CSMD3: variants seen among roughly 807,000 people sequenced by gnomAD.
CSMD3 encodes CUB and sushi domain-containing protein 3.
Under a neutral mutation model 435.2 loss-of-function variants are expected in CSMD3, and 177 were observed. That is an observed-to-expected ratio of 0.41 (90% CI 0.36 to 0.46). The LOEUF (loss-of-function observed/expected upper bound fraction) is 0.46. Ranked by LOEUF, CSMD3 falls within the 20% of genes least tolerant of loss-of-function variation. The pLI is 0.34. For synonymous variants in CSMD3, 1,656 were observed against 1,520.5 expected (o/e 1.09, Z -2.07); for missense variants, 4,265 against 4,504.6 (o/e 0.95, Z 1.52).
At chr8:113,389,921 A>G (rs1513515) in intron 1 of CSMD3, among the ~76,000 whole-genome samples, 107,802 of 151,262 alleles carry the variant, frequency 0.71, 38,658 homozygotes, top group East Asian at 0.94. Flanking sequence ...CATTTAGCAT[A>G]GTGACTGACT....
chr8:112,527,630 G>A (rs1174023525), intron 27 of CSMD3, among the ~76,000 whole-genome samples: 1 of 151,476 alleles, frequency 6.6e-6, no homozygotes, highest in African/African-American at 2.4e-5. Flanking sequence ...AGGTGCACAA[G>A]GTATTTTTTT....
intron 4 of CSMD3, among the ~76,000 whole-genome samples, chr8:113,123,994 CT>C (rs2091056348): frequency 6.6e-6 from 1 of 152,000 alleles, no homozygotes; most frequent in South Asian, 2.1e-4. Context: ...CTTTTTGTAT[CT>C]ACCAAAGCCC....
chr8:112,985,764 T>A (rs1218041656), intron 6 of CSMD3, among the ~76,000 whole-genome samples: 1 of 152,154 alleles, frequency 6.6e-6, no homozygotes, highest in African/African-American at 2.4e-5. Context: ...GGTTGCAAAC[T>A]CCTTATGAGA....
intron 1 of CSMD3, among the ~76,000 whole-genome samples, chr8:113,377,470 T>C (rs943440280): frequency 6.6e-6 from 1 of 152,186 alleles, no homozygotes; most frequent in African/African-American, 2.4e-5. Context: ...AGAACTAACA[T>C]TACAGTGCAA....
chr8:112,457,669 G>A (rs988362622), intron 32 of CSMD3, among the ~76,000 whole-genome samples: 9 of 152,014 alleles, frequency 5.9e-5, no homozygotes, highest in Admixed American at 3.3e-4. Context: ...AGGTGAAGAG[G>A]AACTGGGAAG....
chr8:112,413,812 C>A (rs1811613419), intron 32 of CSMD3, among the ~76,000 whole-genome samples: 1 of 152,218 alleles, frequency 6.6e-6, no homozygotes, highest in Non-Finnish European at 1.5e-5. Context: ...TCAGGCTCTT[C>A]TGAATCCTCT....
At chr8:113,192,982 T>C (rs914306119) in intron 3 of CSMD3, among the ~76,000 whole-genome samples, 4 of 151,550 alleles carry the variant, frequency 2.6e-5, no homozygotes, top group African/African-American at 2.4e-5. Context: ...TGTGTAGTGA[T>C]TGTCTTGATT....
At chr8:112,710,906 T>G (rs1458453443) in intron 13 of CSMD3, among the ~76,000 whole-genome samples, 1 of 151,670 alleles carries the variant, frequency 6.6e-6, no homozygotes, top group Non-Finnish European at 1.5e-5. Flanking sequence ...TGCCATTTGC[T>G]GCTCCAAGGA....
chr8:112,430,751 C>T (rs570469490), intron 32 of CSMD3, among the ~76,000 whole-genome samples: 1 of 152,112 alleles, frequency 6.6e-6, no homozygotes, highest in Non-Finnish European at 1.5e-5. Flanking sequence ...TTGGATAATA[C>T]TCAGTTCACT....
chr8:112,624,167 A>G (rs184447030), intron 22 of CSMD3, among the ~76,000 whole-genome samples: 64 of 152,172 alleles, frequency 4.2e-4, no homozygotes, highest in Middle Eastern at 6.8e-3. Flanking sequence ...CTACAATTTA[A>G]TCTTTTATTT....
chr8:112,705,608 A>G (rs2076482860), intron 13 of CSMD3, among the ~76,000 whole-genome samples: 1 of 152,072 alleles, frequency 6.6e-6, no homozygotes, highest in Admixed American at 6.6e-5. Context: ...TAAAAAGGGT[A>G]GAGGAGAAAT....
At position 112,224,910 on chromosome 8, in the gene CSMD3, T is replaced by G; in HGVS notation, c.10985A>C (p.Tyr3662Ser). ...YKQRTAPKTQ[Y>S]TGCSVHENNN... ...ATTTTCATGAACTGAACATCCTGTATACTGTGTTTTAGGTGCAGTCCTGTT... is the reference window on the plus strand; with the variant it reads ...ATTTTCATGAACTGAACATCCTGTAGACTGTGTTTTAGGTGCAGTCCTGTT... Residue 3662 changes from tyrosine (Y) to serine (S), a missense_variant, in exon 71 of 71, where the codon TAT (tyrosine) becomes TCT (serine). Physicochemically the swap from Tyr to Ser is moderately radical, Grantham distance 144. Coordinates refer to ENST00000297405, the MANE Select transcript of CSMD3 (RefSeq NM_198123.2). The G allele has an allele frequency of 6.2e-7, 1 of 1,614,078 alleles. No homozygotes were observed.
At chr8:112,883,333 C>A (rs1400055832) in intron 10 of CSMD3, among the ~76,000 whole-genome samples, 1 of 151,810 alleles carries the variant, frequency 6.6e-6, no homozygotes, top group Non-Finnish European at 1.5e-5. Flanking sequence ...TTCATATATT[C>A]TTTTTGATGT....
intron 58 of CSMD3, among the ~76,000 whole-genome samples, chr8:112,285,322 G>A (rs904391337): frequency 3.3e-5 from 5 of 151,976 alleles, no homozygotes; most frequent in African/African-American, 1.2e-4. Context: ...ATAAGTTTGA[G>A]AAATAAAGAG....
chr8:112,382,982 C>T (rs565874303), intron 37 of CSMD3, among the ~76,000 whole-genome samples: 1 of 152,102 alleles, frequency 6.6e-6, no homozygotes, highest in Admixed American at 6.5e-5. Flanking sequence ...CAGAGCGAGA[C>T]TACATCTCAA....
At position 113,023,112 on chromosome 8, in the gene CSMD3, C is replaced by T. The variant is rs1034200069; in HGVS notation, c.918-3933G>A. Among the ~76,000 whole-genome samples the T allele has an allele frequency of 8.6e-5, 13 of 151,658 alleles. 1 individual carries two copies. The highest frequency in any genetic ancestry group is 2.7e-4 in the African/African-American group (11 of 41,326). On this transcript the variant is annotated intron_variant, in intron 5 of 70. Coordinates refer to ENST00000297405, the MANE Select transcript of CSMD3 (RefSeq NM_198123.2). Reference sequence around the variant, plus strand: ...TTCTTTTTTTTCTTTAATGTTAAACCGCTTTTATTATAAGATAAATTGTCA... The same window carrying T: ...TTCTTTTTTTTCTTTAATGTTAAACTGCTTTTATTATAAGATAAATTGTCA...
chr8:112,824,504 G>A (rs1230292562), intron 12 of CSMD3, among the ~76,000 whole-genome samples: 1 of 152,116 alleles, frequency 6.6e-6, no homozygotes, highest in African/African-American at 2.4e-5. Flanking sequence ...GTATGATGGT[G>A]ACAAAATCCC....
Position 112,223,772 on chromosome 8 carries a change from A to C in CSMD3, c.*999T>G, listed in dbSNP as rs2129740111. On this transcript the variant is annotated 3_prime_UTR_variant, in exon 71 of 71. Transcript: ENST00000297405. ...AAATTAAAAGTGTCAAAATAATGCT[A>C]AATTTGAAGACTCAGCTGGAAGGAA... The C allele has an allele frequency of 6.6e-6, 1 of 152,284 alleles. No homozygotes were observed. The highest frequency in any genetic ancestry group is 6.5e-5 in the Admixed American group (1 of 15,280). 9.4% of individuals were successfully genotyped at this position (152,284 alleles called of 1,614,324 possible). A position where few individuals can be genotyped will look rare whatever the true frequency, so the allele number is the denominator to read the frequency against.
intron 32 of CSMD3, among the ~76,000 whole-genome samples, chr8:112,427,042 C>T (rs977664575): frequency 2.6e-5 from 4 of 152,028 alleles, no homozygotes; most frequent in Non-Finnish European, 5.9e-5. Context: ...ACAGAGCTTC[C>T]TTAAATATAA....
Sources: allele counts gnomAD v4.1 joint callset (sites outside exome capture counted in the v4.1 genomes callset), GRCh38; gene constraint gnomAD v4.1.1; transcripts MANE v1.5; gene names NCBI Gene and HGNC (gene_info 2026-07-23, HGNC 2026-07-21).